Variants in PRSS23 observed in about 807,000 individuals in gnomAD.
The protein encoded by PRSS23 is protease, serine 23.
A neutral mutation model predicts 34.7 loss-of-function variants in PRSS23; 25 were observed. That is an observed-to-expected ratio of 0.72 (90% CI 0.53 to 1.01). The LOEUF is 1.01. Among genes scored for constraint, PRSS23 ranks in the 50% least tolerant of loss-of-function variants. The pLI is 0.00. For missense variants in PRSS23, 445 were observed against 475.6 expected (o/e 0.94, Z 0.60); for synonymous variants, 176 against 186.6 (o/e 0.94, Z 0.46).
At chr11:86,834,020 G>C (rs1241498685) in intron 2 of PRSS23, among the ~76,000 whole-genome samples, 2 of 152,196 alleles carry the variant, frequency 1.3e-5, no homozygotes. Context: ...TGCATCTGGG[G>C]CTCCATTTGA....
exon 3 of PRSS23, chr11:86,952,218 C>A: frequency 6.2e-7 from 1 of 1,614,084 alleles, no homozygotes; most frequent in Non-Finnish European, 8.5e-7. Flanking sequence ...GAGTGACACT[C>A]TTCCCCAGGC....
chr11:86,871,445 A>C (rs192343012), intron 2 of PRSS23, among the ~76,000 whole-genome samples: 1 of 151,992 alleles, frequency 6.6e-6, no homozygotes, highest in African/African-American at 2.4e-5. Flanking sequence ...GTTTTCAAAG[A>C]CCCAATGGGT....
chr11:86,841,343 AAAAAAAAAAGAAGAAG>A (rs1948446211), intron 2 of PRSS23, among the ~76,000 whole-genome samples: 1 of 133,352 alleles, frequency 7.5e-6, no homozygotes, highest in Non-Finnish European at 1.6e-5. Flanking sequence ...CCATCTCAAA[AAAAAAAAAAGAAGAAG>A]AAAAAAAAAA....
At chr11:86,951,030 G>T in intron 2 of PRSS23, 2 of 1,166,636 alleles carry the variant, frequency 1.7e-6, no homozygotes, top group Non-Finnish European at 2.6e-6. Flanking sequence ...TCACTTAATT[G>T]TTGCTAGTTT....
intron 2 of PRSS23, among the ~76,000 whole-genome samples, chr11:86,848,201 G>A (rs763485214): frequency 5.3e-5 from 8 of 152,238 alleles, no homozygotes; most frequent in Non-Finnish European, 1.0e-4. Context: ...GCAAGGATTA[G>A]AGCAGTCCTT....
intron 2 of PRSS23, among the ~76,000 whole-genome samples, chr11:86,885,860 G>T (rs1199746004): frequency 6.6e-6 from 1 of 152,158 alleles, no homozygotes; most frequent in Non-Finnish European, 1.5e-5. Flanking sequence ...TGGGCATTAG[G>T]TCTTTCATTT....
At chr11:86,794,358 AAC>A (rs778306910) in intron 1 of PRSS23, among the ~76,000 whole-genome samples, 3 of 152,206 alleles carry the variant, frequency 2.0e-5, no homozygotes, top group Non-Finnish European at 4.4e-5. Flanking sequence ...GAAAATGAGA[AAC>A]ACATAGTTAT....
intron 2 of PRSS23, among the ~76,000 whole-genome samples, chr11:86,924,049 G>T (rs1177555939): frequency 6.6e-6 from 1 of 152,180 alleles, no homozygotes; most frequent in African/African-American, 2.4e-5. Flanking sequence ...GTAGATCATT[G>T]ACACCTAGCA....
intron 2 of PRSS23, among the ~76,000 whole-genome samples, chr11:86,898,984 C>T (rs1394065239): frequency 6.6e-6 from 1 of 152,156 alleles, no homozygotes; most frequent in African/African-American, 2.4e-5. Context: ...TCCAGGGCAT[C>T]ACTCTACTTC....
intron 2 of PRSS23, among the ~76,000 whole-genome samples, chr11:86,834,985 G>A (rs563314836): frequency 9.2e-5 from 14 of 152,204 alleles, no homozygotes; most frequent in Non-Finnish European, 2.1e-4. Flanking sequence ...GTGGGGATCA[G>A]TCAAGGGAAC....
At chr11:86,796,457 C>T (rs1055414462), upstream of PRSS23, among the ~76,000 whole-genome samples, 16 of 151,460 alleles carry the variant, frequency 1.1e-4, no homozygotes, top group Non-Finnish European at 1.9e-4. Context: ...CTGGCTAACA[C>T]GGTGAAACCC....
chr11:86,939,432 T>TTTTTAAAA (rs1555084024), intron 2 of PRSS23, among the ~76,000 whole-genome samples: 2 of 111,626 alleles, frequency 1.8e-5, no homozygotes, highest in African/African-American at 3.3e-5. Flanking sequence ...ATATATTTTT[T>TTTTTAAAA]AACATGAGTA....
At chr11:86,879,514 C>G (rs1280608831) in intron 2 of PRSS23, among the ~76,000 whole-genome samples, 55 of 118,270 alleles carry the variant, frequency 4.7e-4, no homozygotes, top group Non-Finnish European at 6.9e-4. Flanking sequence ...ATCAGCCCCC[C>G]ACCCGGCCAG....
Position 86,838,641 on chromosome 11 carries a change from G to A in PRSS23, c.206+15048G>A, listed in dbSNP as rs2845690. ...CAGTGGTTCTCTCAGCATGGCATTC[G>A]AGCTCCAAGAACAGACATACTGCCT... On this transcript the variant is annotated intron_variant, in intron 2 of 2. Transcript: ENST00000533902. Among the ~76,000 whole-genome samples the A allele has an allele frequency of 9.2e-4, 140 of 152,112 alleles. 1 individual carries two copies. Among genetic ancestry groups the A allele is most frequent in the African/African-American group, 3.1e-3 (128 of 41,498 alleles).
At chr11:86,824,799 G>A (rs1375808113) in intron 2 of PRSS23, among the ~76,000 whole-genome samples, 1 of 152,070 alleles carries the variant, frequency 6.6e-6, no homozygotes, top group Non-Finnish European at 1.5e-5. Flanking sequence ...TCCCTACAAA[G>A]GACATGAACT....
At chr11:86,841,275 G>T (rs1948445447) in intron 2 of PRSS23, among the ~76,000 whole-genome samples, 1 of 145,662 alleles carries the variant, frequency 6.9e-6, no homozygotes, top group Admixed American at 7.1e-5. Context: ...GGAGGTGGAG[G>T]TTGCAATGAG....
At chr11:86,951,838 G>C (rs1949295051) in exon 3 of PRSS23, 1 of 1,613,734 alleles carries the variant, frequency 6.2e-7, no homozygotes, top group African/African-American at 1.3e-5. Flanking sequence ...ACATCAGCAA[G>C]AAAATTATTG....
intron 2 of PRSS23, among the ~76,000 whole-genome samples, chr11:86,850,991 A>G (rs1337591247): frequency 6.6e-6 from 1 of 152,220 alleles, no homozygotes; most frequent in East Asian, 1.9e-4. Flanking sequence ...CACACTGTGG[A>G]AACTTTGTAC....
At chr11:86,804,726 C>G (rs1948079291) in intron 1 of PRSS23, among the ~76,000 whole-genome samples, 1 of 152,174 alleles carries the variant, frequency 6.6e-6, no homozygotes, top group African/African-American at 2.4e-5. Context: ...TTCTGTGATT[C>G]ATAACTGATC....
Sources: allele counts gnomAD v4.1 joint callset (sites outside exome capture counted in the v4.1 genomes callset), GRCh38; gene constraint gnomAD v4.1.1; transcripts MANE v1.5; gene names NCBI Gene and HGNC (gene_info 2026-07-23, HGNC 2026-07-21).